The following RAD17 variants were observed in gnomAD, a reference collection of about 807,000 sequenced individuals.
RAD17 encodes the protein cell cycle checkpoint protein RAD17.
RAD17 carries 31 observed loss-of-function variants against 81.5 expected under a neutral mutation model. The ratio of observed to expected loss-of-function variants is 0.38; its 90% confidence interval spans 0.29 to 0.51. RAD17 has a LOEUF of 0.51. Among genes scored for constraint, RAD17 ranks in the 20% least tolerant of loss-of-function variants. The pLI, the probability that RAD17 is intolerant of heterozygous loss-of-function variation, is 0.88. For missense variants in RAD17, 681 were observed against 781.2 expected, an observed-to-expected ratio of 0.87 and a Z score of 1.53; for synonymous variants, 261 against 266.2, an observed-to-expected ratio of 0.98 and a Z score of 0.19.
intron 1 of RAD17, among the ~76,000 whole-genome samples, chr5:69,370,496 C>T (rs891336657): frequency 1.3e-5 from 2 of 152,094 alleles, no homozygotes; most frequent in African/African-American, 4.8e-5. Flanking sequence ...CCCACCACCA[C>T]GCCCGGCTAA....
chr5:69,371,623 C>G (rs1252701580), intron 3 of RAD17, 66 bp downstream of exon 3: 1 of 858,460 alleles, frequency 1.2e-6, no homozygotes, highest in Non-Finnish European at 1.6e-6. Context: ...TATATATATT[C>G]TTAATAACTT....
At position 69,369,863 on chromosome 5, in the gene RAD17, C is replaced by G. The variant is rs1762814776; in HGVS notation, c.-487C>G. On this transcript the variant is annotated 5_prime_UTR_variant, in exon 1 of 19. Transcript: ENST00000354868. The stretch of plus-strand genomic sequence containing the variant: ...GTTGAGCCCGGGTAGGGCCAGGTGG[C>G]TGCCCTTTCACCTAGGGTAGTCCCT... The G allele has an allele frequency of 1.4e-6, 1 of 699,002 alleles. No homozygotes were observed. Among genetic ancestry groups the G allele is most frequent in the South Asian group, 1.9e-5 (1 of 53,748 alleles). The allele number at this position is 699,002 out of a possible 1,614,324, so 43.3% of individuals were successfully genotyped here. A position where few individuals can be genotyped will look rare whatever the true frequency, so the allele number is the denominator to read the frequency against.
chr5:69,386,729 A>C (rs1764234916), intron 11 of RAD17, among the ~76,000 whole-genome samples: 1 of 152,180 alleles, frequency 6.6e-6, no homozygotes, highest in African/African-American at 2.4e-5. Context: ...TGTCATCAAG[A>C]AAATGTTTTC....
At chr5:69,380,719 C>T (rs1384296066) in intron 6 of RAD17, among the ~76,000 whole-genome samples, 1 of 151,372 alleles carries the variant, frequency 6.6e-6, no homozygotes, top group Non-Finnish European at 1.5e-5. Context: ...GATCCACAAC[C>T]TCTAGTCTCT....
intron 16 of RAD17, among the ~76,000 whole-genome samples, chr5:69,398,762 T>C (rs1466292097): frequency 6.7e-6 from 1 of 148,764 alleles, no homozygotes; most frequent in Non-Finnish European, 1.5e-5. Context: ...GCCGAGATCA[T>C]GCCACTGCAC....
At position 69,393,161 on chromosome 5, in the gene RAD17, CT is replaced by C; in HGVS notation, c.1199del (p.Leu400Ter). The C allele has an allele frequency of 6.2e-7, 1 of 1,601,160 alleles. No homozygotes were observed. Among genetic ancestry groups the C allele is most frequent in the South Asian group, 1.1e-5 (1 of 89,602 alleles). On this transcript the variant is annotated frameshift_variant, in exon 14 of 19. Coordinates refer to ENST00000354868, the MANE Select transcript of RAD17 (RefSeq NM_133338.3). LOFTEE classifies it high-confidence loss of function. Reference sequence around the variant, plus strand: ...TTCCAGAAATTTTTTATAGGAGCATCTTTAACAGAATTAGACTCACCTCGGT... The same window carrying C: ...TTCCAGAAATTTTTTATAGGAGCATCTTAACAGAATTAGACTCACCTCGGT... ...LGKILYCKRA[S>X]LTELDSPRLP...
chr5:69,405,804 G>A (rs1482398745), intron 17 of RAD17, among the ~76,000 whole-genome samples: 9 of 152,172 alleles, frequency 5.9e-5, no homozygotes, highest in Admixed American at 3.9e-4. Context: ...CACTTTGGGA[G>A]GCGAGGCAGG....
At position 69,411,562 on chromosome 5, in the gene RAD17, TC is replaced by T. The variant is rs371303232; in HGVS notation, c.1751+1014del. The stretch of plus-strand genomic sequence containing the variant: ...GTGAGCTTTTTCCCCCTCTTTACCC[TC>T]CAAGATTCATTAAGGCCTTTGTAGT... On this transcript the variant is annotated intron_variant, in intron 18 of 18. Transcript: ENST00000354868. 2.4e-3 allele frequency among the ~76,000 whole-genome samples: 372 copies of T among 152,276 alleles called. 2 individuals carry two copies. Among genetic ancestry groups the T allele is most frequent in the African/African-American group, 8.5e-3 (354 of 41,558 alleles).
chr5:69,371,275 TATAGTC>T, intron 2 of RAD17, 104 bp downstream of exon 2: 2 of 529,512 alleles, frequency 3.8e-6, no homozygotes, highest in South Asian at 4.2e-5. Flanking sequence ...TTGATACAGT[TATAGTC>T]ATTAAAATTA....
chr5:69,377,439 G>GTATATATATATATATATATGTA (rs1763416389), intron 6 of RAD17, among the ~76,000 whole-genome samples: 1 of 55,486 alleles, frequency 1.8e-5, no homozygotes, highest in Non-Finnish European at 2.9e-5. Flanking sequence ...GTGTGTGTGT[G>GTATATATATATATATATATGTA]TATATATATA....
chr5:69,373,919 C>G lies in RAD17; in HGVS notation c.99C>G (p.Asn33Lys). 1.2e-6 allele frequency: 2 copies of G among 1,612,052 alleles called. No individual in the cohort carries two copies. Among genetic ancestry groups the G allele is most frequent in the Non-Finnish European group, 1.7e-6 (2 of 1,178,738 alleles). ...TITATSLGVNNSSHRRKNGPS... is the reference protein window; with the variant it reads ...TITATSLGVNKSSHRRKNGPS... ...CTGCCACATCATTAGGTGTGAATAACTCAAGTCATAGAAGAAAAAATGGGC... is the reference window on the plus strand; with the variant it reads ...CTGCCACATCATTAGGTGTGAATAAGTCAAGTCATAGAAGAAAAAATGGGC... The change falls in exon 5 of 19, where the codon AAC (asparagine) becomes AAG (lysine). Residue 33 changes from asparagine to lysine, a missense_variant. Coordinates refer to ENST00000354868, the MANE Select transcript of RAD17 (RefSeq NM_133338.3).
intron 6 of RAD17, among the ~76,000 whole-genome samples, chr5:69,380,845 A>C (rs1044736221): frequency 6.7e-6 from 1 of 150,158 alleles, no homozygotes; most frequent in Non-Finnish European, 1.5e-5. Context: ...GGCTCATTGC[A>C]GCCTCCACCT....
chr5:69,388,028 AACATCT>A (rs1480461739), intron 11 of RAD17, among the ~76,000 whole-genome samples: 1 of 152,146 alleles, frequency 6.6e-6, no homozygotes. Context: ...TCTCTAAAAA[AACATCT>A]ACATTCTCTA....
At chr5:69,369,312 G>C, upstream of RAD17, 1 of 594,372 alleles carries the variant, frequency 1.7e-6, no homozygotes, top group Non-Finnish European at 2.4e-6. Flanking sequence ...GCCCGCGAGG[G>C]TCGGCTCCCG....
Position 69,371,542 on chromosome 5 carries a change from G to C in RAD17, c.-191G>C. The C allele has an allele frequency of 6.9e-7, 1 of 1,456,524 alleles. No homozygotes were observed. The highest frequency in any genetic ancestry group is 2.5e-5 in the East Asian group (1 of 40,114). 90.2% of individuals were successfully genotyped at this position (1,456,524 alleles called of 1,614,324 possible). A position where few individuals can be genotyped will look rare whatever the true frequency, so the allele number is the denominator to read the frequency against. On this transcript the variant is annotated 5_prime_UTR_variant, in exon 3 of 19. Transcript: ENST00000354868. Reference sequence around the variant, plus strand: ...TGTCAAAAACTTTTCTTAGACCAAAGGTATCTTCCACAAAGGTATGATACA... The same window carrying C: ...TGTCAAAAACTTTTCTTAGACCAAACGTATCTTCCACAAAGGTATGATACA...
At chr5:69,406,873 T>A (rs1419003988) in intron 17 of RAD17, among the ~76,000 whole-genome samples, 2 of 152,022 alleles carry the variant, frequency 1.3e-5, no homozygotes, top group East Asian at 1.9e-4. Context: ...AAATAATAAC[T>A]CTGTGAGGTA....
chr5:69,386,347 A>G lies in RAD17; in HGVS notation c.824+42A>G. On this transcript the variant is annotated intron_variant, in intron 10 of 18. Transcript: ENST00000354868. ...TGCTTATAAAGGTCACATACATATT[A>G]TATTTTTAAATTAATCATTTAACTG... 3 of 1,580,838 alleles carry G rather than the reference A, an allele frequency of 1.9e-6. No homozygotes were observed. In the Admixed American group the frequency reaches 5.6e-5, roughly 30 times the overall value.
At chr5:69,396,744 AT>A (rs920510619) in intron 16 of RAD17, among the ~76,000 whole-genome samples, 198 bp downstream of exon 16, 4 of 152,174 alleles carry the variant, frequency 2.6e-5, no homozygotes, top group African/African-American at 9.7e-5. Flanking sequence ...TGCTTGTACA[AT>A]TTTTTAAGGG....
intron 18 of RAD17, among the ~76,000 whole-genome samples, chr5:69,412,297 G>A (rs1561281236): frequency 6.6e-6 from 1 of 152,022 alleles, no homozygotes; most frequent in South Asian, 2.1e-4. Context: ...ACAATGACTG[G>A]TACTATCTTT....
Sources: gnomAD v4.1 joint callset for allele counts (sites outside exome capture counted in the v4.1 genomes callset) on GRCh38, gnomAD v4.1.1 for gene constraint, MANE v1.5 for transcripts, NCBI Gene and HGNC (gene_info 2026-07-23, HGNC 2026-07-21) for gene names.